MYO10: variants seen among roughly 807,000 people sequenced by gnomAD.
The protein encoded by MYO10 is myosin X.
Under a neutral mutation model 257.3 loss-of-function variants are expected in MYO10, and 133 were observed. The observed-to-expected ratio is 0.52, with a 90% CI of 0.45 to 0.60. The LOEUF is 0.60. MYO10 is among the 20% of genes least tolerant of loss of function. MYO10 has a pLI of 0.00. For synonymous variants in MYO10, 1,104 were observed against 1,028.6 expected, an observed-to-expected ratio of 1.07 and a Z score of -1.40; for missense variants, 2,399 against 2,635.7, an observed-to-expected ratio of 0.91 and a Z score of 1.97.
chr5:16,666,731 G>A lies in MYO10; in HGVS notation c.6138C>T (p.Ser2046=), dbSNP rs1736187195. The A allele has an allele frequency of 6.2e-7, 1 of 1,607,586 alleles. No homozygotes were observed. The highest frequency in any genetic ancestry group is 8.5e-7 in the Non-Finnish European group (1 of 1,178,288). The part of the protein sequence containing the change: ...YISMIVKKRY[S]TTRSASSQGS... The stretch of plus-strand genomic sequence containing the variant: ...CCTGGCTGCTGGCGGAGCGTGTCGT[G>A]CTGTAGCGCTTCTTCACGATCATGC... The change falls in exon 41 of 41, where the codon AGC becomes AGT. Residue 2046 remains serine (S), a synonymous_variant. Coordinates refer to ENST00000513610, the MANE Select transcript of MYO10 (RefSeq NM_012334.3).
intron 19 of MYO10, among the ~76,000 whole-genome samples, chr5:16,737,681 T>A (rs1383684524): frequency 6.6e-6 from 1 of 152,112 alleles, no homozygotes; most frequent in Non-Finnish European, 1.5e-5. Flanking sequence ...GCCCAGTGGT[T>A]TTCAAGAGGA....
intron 1 of MYO10, among the ~76,000 whole-genome samples, chr5:16,912,271 T>C (rs143867538): frequency 9.5e-4 from 144 of 152,230 alleles, no homozygotes; most frequent in African/African-American, 3.4e-3. Context: ...ATTTTGCAAA[T>C]TGCAACATTT....
chr5:16,766,065 G>C lies in MYO10; in HGVS notation c.1179+15C>G, dbSNP rs368026957. ...GTGTCTAGTAACGCAAGATCAGATGGCAAAGCGTGTGTACCTGTTGAACAT... is the reference window on the plus strand; with the variant it reads ...GTGTCTAGTAACGCAAGATCAGATGCCAAAGCGTGTGTACCTGTTGAACAT... On this transcript the variant is annotated intron_variant, in intron 11 of 40. Transcript: ENST00000513610. 1.3e-6 allele frequency: 2 copies of C among 1,572,546 alleles called. No homozygotes were observed. The highest frequency in any genetic ancestry group is 1.8e-6 in the Non-Finnish European group (2 of 1,142,470).
intron 27 of MYO10, among the ~76,000 whole-genome samples, chr5:16,693,582 A>C (rs1737604926): frequency 6.6e-6 from 1 of 152,204 alleles, no homozygotes; most frequent in Non-Finnish European, 1.5e-5. Context: ...GAAACATTTT[A>C]CTTTTAAGGC....
rs1738472444 is a variant in MYO10 at position 16,709,006 on chromosome 5, G to A, written c.2169+1902C>T. ...TCTTATAGTTTTTCAGCACCTCATAGACACTGATTAAGCTCAGCACTGTGT... is the reference window on the plus strand; with the variant it reads ...TCTTATAGTTTTTCAGCACCTCATAAACACTGATTAAGCTCAGCACTGTGT... On this transcript the variant is annotated intron_variant, in intron 21 of 40. Coordinates refer to ENST00000513610, the MANE Select transcript of MYO10 (RefSeq NM_012334.3). Among the ~76,000 whole-genome samples the A allele has an allele frequency of 1.3e-5, 2 of 152,158 alleles. 1 individual carries two copies. Among genetic ancestry groups the A allele is most frequent in the South Asian group, 4.1e-4 (2 of 4,830 alleles).
Position 16,666,776 on chromosome 5 carries a change from CT to C in MYO10, c.6092del (p.Lys2031SerfsTer3). ...TCATGCTGATGTAGGCTTTCATGAG[CT>C]TGGCCACATCCACCACCTGCCCAGG... The part of the protein sequence containing the change: ...FETSEVVDVA[K>X]LMKAYISMIV... On this transcript the variant is annotated frameshift_variant, in exon 41 of 41. Transcript: ENST00000513610. LOFTEE classifies it high-confidence loss of function. 1 of 1,604,688 alleles carries C rather than the reference CT, an allele frequency of 6.2e-7. No individual in the cohort carries two copies. Among genetic ancestry groups the C allele is most frequent in the Non-Finnish European group, 8.5e-7 (1 of 1,176,966 alleles).
At chr5:16,668,571 G>T in intron 39 of MYO10, 103 bp from the exon 40 acceptor site, 1 of 904,602 alleles carries the variant, frequency 1.1e-6, no homozygotes, top group Non-Finnish European at 1.6e-6. Context: ...CTGTGCAGAA[G>T]ATTAAATATA....
At chr5:16,702,518 G>A (rs1294888944) in intron 24 of MYO10, 25 bp downstream of exon 24, 2 of 1,581,196 alleles carry the variant, frequency 1.3e-6, no homozygotes, top group East Asian at 2.3e-5. Flanking sequence ...AACACAAGAG[G>A]CTAAGTTGTC....
intron 28 of MYO10, among the ~76,000 whole-genome samples, chr5:16,687,517 A>T (rs975851878): frequency 4.0e-5 from 6 of 151,318 alleles, no homozygotes; most frequent in African/African-American, 1.2e-4. Context: ...TAAGACACAA[A>T]ATATATATAT....
intron 1 of MYO10, among the ~76,000 whole-genome samples, chr5:16,932,263 G>C (rs144028342): frequency 1.3e-5 from 2 of 152,074 alleles, no homozygotes; most frequent in South Asian, 2.1e-4. Flanking sequence ...ATAATCCTCC[G>C]AGATCTTGTA....
intron 2 of MYO10, among the ~76,000 whole-genome samples, chr5:16,829,967 C>A (rs1743116956): frequency 6.6e-6 from 1 of 152,178 alleles, no homozygotes; most frequent in East Asian, 1.9e-4. Flanking sequence ...CAGCCAGGTG[C>A]GGTGGCTCAC....
chr5:16,805,434 G>A (rs554188007), intron 3 of MYO10, among the ~76,000 whole-genome samples: 27 of 146,058 alleles, frequency 1.8e-4, no homozygotes, highest in African/African-American at 4.6e-4. Context: ...ACTCTAGCCC[G>A]GGCAACACAG....
chr5:16,709,504 T>C (rs902116284), intron 21 of MYO10, among the ~76,000 whole-genome samples: 3 of 152,102 alleles, frequency 2.0e-5, no homozygotes, highest in Non-Finnish European at 2.9e-5. Flanking sequence ...GTCAAGGAAT[T>C]TTGAGGGCTT....
At chr5:16,702,025 G>T (rs574220873) in intron 24 of MYO10, among the ~76,000 whole-genome samples, 187 bp from the exon 25 acceptor site, 3 of 152,302 alleles carry the variant, frequency 2.0e-5, no homozygotes, top group African/African-American at 7.2e-5. Context: ...GCTTTTAAAG[G>T]GGAGACTAAG....
At chr5:16,782,552 A>G (rs1181957584) in intron 5 of MYO10, among the ~76,000 whole-genome samples, 1 of 152,248 alleles carries the variant, frequency 6.6e-6, no homozygotes, top group Non-Finnish European at 1.5e-5. Flanking sequence ...AAAAACAGTT[A>G]ACACACATTT....
At chr5:16,907,293 A>G (rs1316366611) in intron 1 of MYO10, among the ~76,000 whole-genome samples, 2 of 152,140 alleles carry the variant, frequency 1.3e-5, no homozygotes, top group East Asian at 3.9e-4. Context: ...TCCAGGGCAC[A>G]CGCTCTTGTA....
chr5:16,750,086 G>A (rs897429259), intron 19 of MYO10, among the ~76,000 whole-genome samples: 1 of 152,066 alleles, frequency 6.6e-6, no homozygotes, highest in Non-Finnish European at 1.5e-5. Flanking sequence ...CATTACCAAC[G>A]AAAACTCGTG....
intron 19 of MYO10, among the ~76,000 whole-genome samples, chr5:16,750,549 G>GT (rs1250377519): frequency 6.6e-6 from 1 of 152,188 alleles, no homozygotes; most frequent in Non-Finnish European, 1.5e-5. Flanking sequence ...TAAAGGGGGT[G>GT]TGCTCCCACT....
Position 16,762,115 on chromosome 5 carries a change from T to TAAAAAAAAAAAA in MYO10, c.1588-14_1588-3dup, listed in dbSNP as rs746751894. On this transcript the variant is annotated splice_polypyrimidine_tract_variant and splice_region_variant and intron_variant, in intron 15 of 40. Coordinates refer to ENST00000513610, the MANE Select transcript of MYO10 (RefSeq NM_012334.3). ...GGGCTTCACATAAAAGTGGTTATTC[T>TAAAAAAAAAAAA]AAAAAAAAAAAAAAAAAAAAAAAAA... The TAAAAAAAAAAAA allele has an allele frequency of 1.4e-5, 8 of 567,590 alleles. No individual in the cohort carries two copies. The African/African-American group carries it at 2.3e-4, about 17-fold the overall frequency. 35.2% of individuals were successfully genotyped at this position (567,590 alleles called of 1,614,324 possible).
Sources: gnomAD v4.1 joint callset for allele counts (sites outside exome capture counted in the v4.1 genomes callset) on GRCh38, gnomAD v4.1.1 for gene constraint, MANE v1.5 for transcripts, NCBI Gene and HGNC (gene_info 2026-07-23, HGNC 2026-07-21) for gene names.